MYO1H: variants seen among roughly 807,000 people sequenced by gnomAD.
MYO1H encodes the protein unconventional myosin-Ih.
A neutral mutation model predicts 149.3 loss-of-function variants in MYO1H; 118 were observed. The observed-to-expected ratio is 0.79, with a 90% CI of 0.68 to 0.92. MYO1H has a LOEUF of 0.92. Ranked by LOEUF, MYO1H falls within the 40% of genes least tolerant of loss-of-function variation. The probability of loss-of-function intolerance (pLI) is 0.00; values close to 1 mark genes in which losing one functional copy is unlikely to be tolerated. For synonymous variants in MYO1H, 447 were observed against 465.2 expected (o/e 0.96, Z 0.50); for missense variants, 1,212 against 1,280.7 (o/e 0.95, Z 0.82).
At chr12:109,441,217 T>C (rs572119084) in intron 25 of MYO1H, among the ~76,000 whole-genome samples, 43 of 152,342 alleles carry the variant, frequency 2.8e-4, no homozygotes, top group African/African-American at 8.7e-4. Flanking sequence ...TCAACTCTGC[T>C]GCTACAGTGA....
the MYO1H span, among the ~76,000 whole-genome samples, chr12:109,332,118 A>G: frequency 2.6e-5 from 4 of 152,236 alleles, no homozygotes; most frequent in South Asian, 2.1e-4. Flanking sequence ...GGGATTTGCT[A>G]TCTAACAGAG....
chr12:109,368,662 G>GAAA (rs1868919240), intron 1 of MYO1H, among the ~76,000 whole-genome samples: 1 of 121,614 alleles, frequency 8.2e-6, no homozygotes, highest in African/African-American at 2.9e-5. Flanking sequence ...AAAAAAAAAG[G>GAAA]GTTCTTGCTG....
chr12:109,360,286 T>TTTG (rs1868715219), intron 1 of MYO1H, among the ~76,000 whole-genome samples: 1 of 152,014 alleles, frequency 6.6e-6, no homozygotes, highest in Non-Finnish European at 1.5e-5. Flanking sequence ...GACCCTTGAG[T>TTTG]TTGTGTACCA....
chr12:109,327,174 C>A, the MYO1H span, among the ~76,000 whole-genome samples: 9 of 139,346 alleles, frequency 6.5e-5, no homozygotes, highest in African/African-American at 2.2e-4. Context: ...CCTCTGTCAC[C>A]CAGGCTGGAG....
intron 1 of MYO1H, among the ~76,000 whole-genome samples, chr12:109,349,940 G>A (rs546733872): frequency 2.2e-4 from 31 of 142,154 alleles, no homozygotes; most frequent in Non-Finnish European, 3.8e-4. Flanking sequence ...CAGCCTGGGC[G>A]ACAGAGCAAG....
At chr12:109,446,924 TCTC>T (rs1054270994) in intron 31 of MYO1H, 113 of 593,666 alleles carry the variant, frequency 1.9e-4, no homozygotes, top group African/African-American at 1.2e-3. Flanking sequence ...ACTGTGTCTC[TCTC>T]CTCTGGAGTC....
intron 1 of MYO1H, among the ~76,000 whole-genome samples, chr12:109,388,261 C>A (rs3903064): frequency 0.058 from 8,874 of 152,130 alleles, 841 homozygotes; most frequent in African/African-American, 0.2. Context: ...TTTATTGAGT[C>A]CATGGTTGTC....
chr12:109,388,590 C>T (rs1869488496), intron 1 of MYO1H, 93 bp from the exon 2 acceptor site: 1 of 1,190,942 alleles, frequency 8.4e-7, no homozygotes, highest in Non-Finnish European at 1.1e-6. Flanking sequence ...CTCTACTATC[C>T]CAGGGTTTAG....
the MYO1H span, among the ~76,000 whole-genome samples, chr12:109,330,049 A>G: frequency 4.6e-5 from 7 of 152,204 alleles, no homozygotes; most frequent in African/African-American, 1.7e-4. Flanking sequence ...GAAAACAAAC[A>G]TTTGTGGCAA....
At chr12:109,417,746 T>C (rs1592806384) in intron 15 of MYO1H, among the ~76,000 whole-genome samples, 1 of 152,242 alleles carries the variant, frequency 6.6e-6, no homozygotes, top group African/African-American at 2.4e-5. Flanking sequence ...TTATTGGCTG[T>C]TTCTCTTCCT....
intron 11 of MYO1H, 135 bp downstream of exon 11, chr12:109,409,759 C>T: frequency 1.2e-6 from 1 of 821,214 alleles, no homozygotes; most frequent in Non-Finnish European, 2.0e-6. Context: ...TAGTTTCTAA[C>T]TCACAGACCA....
At chr12:109,400,515 G>T (rs548258031) in intron 5 of MYO1H, among the ~76,000 whole-genome samples, 10 of 152,156 alleles carry the variant, frequency 6.6e-5, no homozygotes, top group Admixed American at 2.6e-4. Context: ...TAATTGGGTT[G>T]TCAATTCTTT....
intron 7 of MYO1H, 42 bp from the exon 8 acceptor site, chr12:109,405,880 C>A: frequency 7.0e-7 from 1 of 1,420,518 alleles, no homozygotes; most frequent in South Asian, 1.2e-5. Context: ...TTCTCTTTCC[C>A]TGTCCTGATC....
chr12:109,441,407 C>T (rs139027100), intron 25 of MYO1H, among the ~76,000 whole-genome samples: 8 of 152,030 alleles, frequency 5.3e-5, no homozygotes, highest in Admixed American at 3.3e-4. Flanking sequence ...AGTAAGGGAA[C>T]GAGCAGAAAC....
chr12:109,370,279 C>G (rs1868954918), intron 1 of MYO1H, among the ~76,000 whole-genome samples: 1 of 152,188 alleles, frequency 6.6e-6, no homozygotes, highest in Non-Finnish European at 1.5e-5. Flanking sequence ...GCTCAGCTCA[C>G]CCCTTCAACA....
chr12:109,404,134 C>A, intron 7 of MYO1H, 54 bp downstream of exon 7: 1 of 1,359,830 alleles, frequency 7.4e-7, no homozygotes, highest in Non-Finnish European at 1.0e-6. Flanking sequence ...AGGAAACATT[C>A]CTAATTTCTT....
At chr12:109,371,754 A>C (rs1265684325) in intron 1 of MYO1H, among the ~76,000 whole-genome samples, 2 of 152,224 alleles carry the variant, frequency 1.3e-5, no homozygotes, top group African/African-American at 2.4e-5. Flanking sequence ...CATTTCATAA[A>C]GATTCTATAA....
the MYO1H span, among the ~76,000 whole-genome samples, chr12:109,327,533 G>T: frequency 6.6e-6 from 1 of 151,722 alleles, no homozygotes; most frequent in Non-Finnish European, 1.5e-5. Flanking sequence ...GATCACTGAG[G>T]TCAGGAGTTT....
the MYO1H span, among the ~76,000 whole-genome samples, chr12:109,318,469 C>A: frequency 1.3e-5 from 2 of 152,146 alleles, no homozygotes; most frequent in Non-Finnish European, 2.9e-5. Context: ...AGCAGGCTGG[C>A]ACACATGACC....
Sources: allele counts gnomAD v4.1 joint callset (sites outside exome capture counted in the v4.1 genomes callset), GRCh38; gene constraint gnomAD v4.1.1; transcripts MANE v1.5; gene names NCBI Gene and HGNC (gene_info 2026-07-23, HGNC 2026-07-21).